ATXN3L: variants seen among roughly 807,000 people sequenced by gnomAD.
ATXN3L encodes ataxin-3-like protein.
For missense variants in ATXN3L, 283 were observed against 255.2 expected (o/e 1.11, Z -0.74); for synonymous variants, 98 against 96.1 (o/e 1.02, Z -0.12).
rs1037712907 is a variant in ATXN3L at position 13,319,225 on chromosome X, C to T, written c.710G>A (p.Arg237His). 1.3e-5 allele frequency: 16 copies of T among 1,211,023 alleles called. No individual in the cohort carries two copies. Among genetic ancestry groups the T allele is most frequent in the Non-Finnish European group, 1.6e-5 (14 of 895,088 alleles). Reference protein sequence around the residue: ...EDFQRALELSRQETNREDEHL... With the variant: ...EDFQRALELSHQETNREDEHL... ...TTCATCTTCTCTATTGGTTTCTTGG[C>T]GGCTTAGTTCAAGGGCCCTCTGAAA... Residue 237 changes from arginine (R) to histidine (H), a missense_variant, in exon 1 of 1, where the codon CGC (arginine) becomes CAC (histidine). Physicochemically the swap from Arg to His is conservative, Grantham distance 29 (BLOSUM62 0). Transcript: ENST00000380622.
chrX:13,319,661 T>A lies in ATXN3L; in HGVS notation c.274A>T (p.Ile92Phe), dbSNP rs774144793. 2.5e-6 allele frequency: 3 copies of A among 1,211,776 alleles called. No individual in the cohort carries two copies. The highest frequency in any genetic ancestry group is 3.4e-6 in the Non-Finnish European group (3 of 895,343). Residue 92 changes from isoleucine to phenylalanine, a missense_variant, in exon 1 of 1, where the codon ATC (isoleucine) becomes TTC (phenylalanine). Ile to Phe is a conservative substitution (Grantham distance 21). Transcript: ENST00000380622. ...NALKFWGLEI[I>F]HFNNPEYQKL... ...TGATATTCAGGATTATTGAAATGGA[T>A]GATCTCTAAACCCCAGAACTTCAAG...
In ATXN3L at chrX:13,319,603, GATCTTTCATTTATA is replaced by G. The variant is rs930035576; in HGVS notation, c.318_331del (p.Ile107PhefsTer4). ...GTGTTGTTTATAATTACATATAAAA[GATCTTTCATTTATA>G]GGATCAATGCCGAGCTTCTGATATT... On this transcript the variant is annotated frameshift_variant, in exon 1 of 1. Transcript: ENST00000380622. LOFTEE classifies it low-confidence loss of function (END_TRUNC). 1.7e-6 allele frequency: 2 copies of G among 1,208,972 alleles called. No homozygotes were observed. The highest frequency in any genetic ancestry group is 3.5e-5 in the African/African-American group (2 of 57,267).
chrX:13,318,969 C>G lies in ATXN3L; in HGVS notation c.966G>C (p.Glu322Asp). 5.8e-6 allele frequency: 7 copies of G among 1,211,393 alleles called. No individual in the cohort carries two copies. The highest frequency in any genetic ancestry group is 7.8e-6 in the Non-Finnish European group (7 of 895,026). ...ERPTTSSRAI[E>D]SDLSDDISEG... ...CACTGATGTCATCACTGAGATCACT[C>G]TCAATTGCTCTCGAACTTGTTGTTG... Residue 322 changes from glutamate to aspartate, a missense_variant, in exon 1 of 1, where the codon GAG (glutamate) becomes GAC (aspartate). By Grantham distance (45) the Glu-to-Asp change is conservative. Coordinates refer to ENST00000380622, the MANE Select transcript of ATXN3L (RefSeq NM_001135995.2).
rs754165902 is a variant in ATXN3L at position 13,319,386 on chromosome X, G to C, written c.549C>G (p.Val183=). 8.3e-7 allele frequency: 1 copy of C among 1,210,162 alleles called. No individual in the cohort carries two copies. The highest frequency in any genetic ancestry group is 1.1e-6 in the Non-Finnish European group (1 of 895,004). ...TAAGTTTTGGTGTATCCATCTCTTC[G>C]ACACTGATGATCTGCAGGAGTTGGT... ...EADQLLQIIS[V]EEMDTPKLNG... Residue 183 remains valine, a synonymous_variant, in exon 1 of 1, where the codon GTC becomes GTG. Coordinates refer to ENST00000380622, the MANE Select transcript of ATXN3L (RefSeq NM_001135995.2).
chrX:13,319,687 G>C lies in ATXN3L; in HGVS notation c.248C>G (p.Ala83Gly). 8.3e-7 allele frequency: 1 copy of C among 1,211,279 alleles called. No homozygotes were observed. Among genetic ancestry groups the C allele is most frequent in the Non-Finnish European group, 1.1e-6 (1 of 895,075 alleles). ...GATCTCTAAACCCCAGAACTTCAAG[G>C]CATTGCTTATTACCTGAATGGAGAA... ...GFFSIQVISN[A>G]LKFWGLEIIH... Residue 83 changes from alanine (A) to glycine (G), a missense_variant, in exon 1 of 1, where the codon GCC becomes GGC. By Grantham distance (60) the Ala-to-Gly change is moderately conservative. Transcript: ENST00000380622.
chrX:13,319,026 C>T lies in ATXN3L; in HGVS notation c.909G>A (p.Leu303=). The T allele has an allele frequency of 8.3e-7, 1 of 1,211,746 alleles. No homozygotes were observed. Among genetic ancestry groups the T allele is most frequent in the Non-Finnish European group, 1.1e-6 (1 of 895,457 alleles). The change falls in exon 1 of 1, where the codon CTG becomes CTA. Residue 303 remains leucine, a synonymous_variant. Transcript: ENST00000380622. ...EQKQQQQQSD[L]PGHSSYLHER... ...CGTGTAGGTATGAACTGTGGCCCGG[C>T]AGATCTGACTGTTGTTGCTGCTGCT...
Position 13,319,124 on chromosome X carries a change from A to G in ATXN3L, c.811T>C (p.Cys271Arg), listed in dbSNP as rs776445163. 1.8e-4 allele frequency: 220 copies of G among 1,209,918 alleles called. 2 individuals are homozygous for G. The South Asian group carries it at 3.6e-3, about 20-fold the overall frequency. Reference sequence around the variant, plus strand: ...GGCTGTTCTGAAGCAGGAGTTACACATGATGTCTTTGGAAGATCTTGCGAT... The same window carrying G: ...GGCTGTTCTGAAGCAGGAGTTACACGTGATGTCTTTGGAAGATCTTGCGAT... ...NTSQDLPKTS[C>R]VTPASEQPKK... The change falls in exon 1 of 1, where the codon TGT (cysteine) becomes CGT (arginine). Residue 271 changes from cysteine to arginine, a missense_variant. By Grantham distance (180) the Cys-to-Arg change is radical. Coordinates refer to ENST00000380622, the MANE Select transcript of ATXN3L (RefSeq NM_001135995.2).
chrX:13,319,344 T>C lies in ATXN3L; in HGVS notation c.591A>G (p.Val197=), dbSNP rs769649021. ...DTPKLNGKKL[V]KQKEHRVYKT... Reference sequence around the variant, plus strand: ...TATAGACTCTATGCTCTTTTTGTTTTACTAATTTTTTTCCATTAAGTTTTG... The same window carrying C: ...TATAGACTCTATGCTCTTTTTGTTTCACTAATTTTTTTCCATTAAGTTTTG... The change falls in exon 1 of 1, where the codon GTA becomes GTG. Residue 197 remains valine (V), a synonymous_variant. Transcript: ENST00000380622. The C allele has an allele frequency of 4.1e-6, 5 of 1,210,977 alleles. No homozygotes were observed. Among genetic ancestry groups the C allele is most frequent in the Admixed American group, 4.4e-5 (2 of 45,977 alleles).
rs996217924 is a variant in ATXN3L, at chrX:13,319,657, T to A, written c.278A>T (p.His93Leu). The change falls in exon 1 of 1, where the codon CAT (histidine) becomes CTT (leucine). Residue 93 changes from histidine (H) to leucine (L), a missense_variant. Transcript: ENST00000380622. The stretch of plus-strand genomic sequence containing the variant: ...CTTCTGATATTCAGGATTATTGAAA[T>A]GGATGATCTCTAAACCCCAGAACTT... The part of the protein sequence containing the change: ...ALKFWGLEII[H>L]FNNPEYQKLG... The A allele has an allele frequency of 8.3e-7, 1 of 1,210,118 alleles. No individual in the cohort carries two copies. The highest frequency in any genetic ancestry group is 1.7e-5 in the African/African-American group (1 of 57,299).
In ATXN3L at chrX:13,319,725, A is replaced by G; in HGVS notation, c.210T>C (p.Asp70=). 3 of 1,211,862 alleles carry G rather than the reference A, an allele frequency of 2.5e-6. No individual in the cohort carries two copies. Among genetic ancestry groups the G allele is most frequent in the Non-Finnish European group, 2.2e-6 (2 of 895,437 alleles). The change falls in exon 1 of 1, where the codon GAT becomes GAC. Residue 70 remains aspartate, a synonymous_variant. Transcript: ENST00000380622. ...AFLQQPSENM[D]DTGFFSIQVI... ...CCTGAATGGAGAAGAAACCGGTATC[A>G]TCCATGTTTTCTGAAGGCTGCTGTA...
At position 13,319,065 on chromosome X, in the gene ATXN3L, A is replaced by T; in HGVS notation, c.870T>A (p.His290Gln). ...GTTGCTGCTGCTTCTGTTCCTGCTG[A>T]TGCTTTTCAAAATAGTCTTCTTTTA... ...KKIKEDYFEK[H>Q]QQEQKQQQQQ... The change falls in exon 1 of 1, where the codon CAT (histidine) becomes CAA (glutamine). Residue 290 changes from histidine (H) to glutamine (Q), a missense_variant. His to Gln is a conservative substitution (Grantham distance 24, BLOSUM62 0). Transcript: ENST00000380622. 10 of 1,210,999 alleles carry T rather than the reference A, an allele frequency of 8.3e-6. No homozygotes were observed. Among genetic ancestry groups the T allele is most frequent in the Non-Finnish European group, 1.1e-5 (10 of 895,340 alleles).
rs369799117 is a variant in ATXN3L, at chrX:13,319,935, G to A, written c.-1C>T. The A allele has an allele frequency of 4.2e-6, 5 of 1,187,691 alleles. No individual in the cohort carries two copies. The African/African-American group carries it at 5.3e-5, about 12-fold the overall frequency. On this transcript the variant is annotated 5_prime_UTR_variant, in exon 1 of 1. Transcript: ENST00000380622. ...GTTTCTCATGAAAGATGAAATCCATGTTAATTGTATCCGTGAGTTTCTGTA... is the reference window on the plus strand; with the variant it reads ...GTTTCTCATGAAAGATGAAATCCATATTAATTGTATCCGTGAGTTTCTGTA...
Position 13,319,534 on chromosome X carries a change from T to A in ATXN3L, c.401A>T (p.Asn134Ile). The A allele has an allele frequency of 8.3e-7, 1 of 1,211,625 alleles. No individual in the cohort carries two copies. Among genetic ancestry groups the A allele is most frequent in the Non-Finnish European group, 1.1e-6 (1 of 895,441 alleles). Reference protein sequence around the residue: ...RKFGKHWFNLNSLLAGPELIS... With the variant: ...RKFGKHWFNLISLLAGPELIS... ...TAATTCTGGACCCGCCAAGAGAGAA[T>A]TCAAGTTAAACCAGTGTTTTCCAAA... Residue 134 changes from asparagine (N) to isoleucine (I), a missense_variant, in exon 1 of 1, where the codon AAT becomes ATT. Coordinates refer to ENST00000380622, the MANE Select transcript of ATXN3L (RefSeq NM_001135995.2).
chrX:13,319,517 G>A lies in ATXN3L; in HGVS notation c.418C>T (p.Pro140Ser), dbSNP rs1253857551. 8.3e-7 allele frequency: 1 copy of A among 1,209,506 alleles called. No homozygotes were observed. The highest frequency in any genetic ancestry group is 1.8e-5 in the African/African-American group (1 of 57,040). The stretch of plus-strand genomic sequence containing the variant: ...AGGCATGTATCTGATATTAATTCTG[G>A]ACCCGCCAAGAGAGAATTCAAGTTA... Reference protein sequence around the residue: ...WFNLNSLLAGPELISDTCLAN... With the variant: ...WFNLNSLLAGSELISDTCLAN... The change falls in exon 1 of 1, where the codon CCA becomes TCA. Residue 140 changes from proline to serine, a missense_variant. Coordinates refer to ENST00000380622, the MANE Select transcript of ATXN3L (RefSeq NM_001135995.2).
In ATXN3L at chrX:13,319,350, T is replaced by A. The variant is rs759596951; in HGVS notation, c.585A>T (p.Lys195Asn). 8.3e-6 allele frequency: 10 copies of A among 1,210,109 alleles called. No individual in the cohort carries two copies. The Admixed American group carries it at 2.2e-4, about 26-fold the overall frequency. The change falls in exon 1 of 1, where the codon AAA becomes AAT. Residue 195 changes from lysine (K) to asparagine (N), a missense_variant. Coordinates refer to ENST00000380622, the MANE Select transcript of ATXN3L (RefSeq NM_001135995.2). ...EMDTPKLNGK[K>N]LVKQKEHRVY... ...CTCTATGCTCTTTTTGTTTTACTAA[T>A]TTTTTTCCATTAAGTTTTGGTGTAT...
chrX:13,319,578 G>A lies in ATXN3L; in HGVS notation c.357C>T (p.His119=), dbSNP rs751011105. The change falls in exon 1 of 1, where the codon CAC becomes CAT. Residue 119 remains histidine (H), a synonymous_variant. Coordinates refer to ENST00000380622, the MANE Select transcript of ATXN3L (RefSeq NM_001135995.2). The part of the protein sequence containing the change: ...ERSFICNYKQ[H]WFTIRKFGKH... The stretch of plus-strand genomic sequence containing the variant: ...TTCCAAATTTTCTAATAGTAAACCA[G>A]TGTTGTTTATAATTACATATAAAAG... 5 of 1,209,320 alleles carry A rather than the reference G, an allele frequency of 4.1e-6. No individual in the cohort carries two copies. The highest frequency in any genetic ancestry group is 5.9e-5 in the East Asian group (2 of 33,868).
Position 13,318,896 on chromosome X carries a change from TTCTCA to T in ATXN3L, c.1034_1038del (p.Met345LysfsTer17), listed in dbSNP as rs756507822. On this transcript the variant is annotated frameshift_variant, in exon 1 of 1. Coordinates refer to ENST00000380622, the MANE Select transcript of ATXN3L (RefSeq NM_001135995.2). LOFTEE classifies it high-confidence loss of function. ...TTTTCCCCTTTGATTTTCAAATTCT[TTCTCA>T]TAATTTCTAAAATGGTGTCGACAGC... 8 of 1,190,871 alleles carry T rather than the reference TTCTCA, an allele frequency of 6.7e-6. No individual in the cohort carries two copies. In the African/African-American group the frequency reaches 1.4e-4, roughly 21 times the overall value.
In ATXN3L at chrX:13,319,589, A is replaced by G; in HGVS notation, c.346T>C (p.Tyr116His). The change falls in exon 1 of 1, where the codon TAT becomes CAT. Residue 116 changes from tyrosine to histidine, a missense_variant. By Grantham distance (83) the Tyr-to-His change is moderately conservative. Coordinates refer to ENST00000380622, the MANE Select transcript of ATXN3L (RefSeq NM_001135995.2). ...CTAATAGTAAACCAGTGTTGTTTAT[A>G]ATTACATATAAAAGATCTTTCATTT... The part of the protein sequence containing the change: ...PINERSFICN[Y>H]KQHWFTIRKF... 1.7e-6 allele frequency: 2 copies of G among 1,209,391 alleles called. No homozygotes were observed. The highest frequency in any genetic ancestry group is 5.9e-5 in the East Asian group (2 of 33,854).
Position 13,319,606 on chromosome X carries a change from C to T in ATXN3L, c.329G>A (p.Arg110Lys). ...QKLGIDPINERSFICNYKQHW... is the reference protein window; with the variant it reads ...QKLGIDPINEKSFICNYKQHW... ...TTGTTTATAATTACATATAAAAGATCTTTCATTTATAGGATCAATGCCGAG... is the reference window on the plus strand; with the variant it reads ...TTGTTTATAATTACATATAAAAGATTTTTCATTTATAGGATCAATGCCGAG... Residue 110 changes from arginine (R) to lysine (K), a missense_variant, in exon 1 of 1, where the codon AGA becomes AAA. Arg to Lys is a conservative substitution (Grantham distance 26). Coordinates refer to ENST00000380622, the MANE Select transcript of ATXN3L (RefSeq NM_001135995.2). The T allele has an allele frequency of 8.3e-7, 1 of 1,209,291 alleles. No homozygotes were observed. Among genetic ancestry groups the T allele is most frequent in the Non-Finnish European group, 1.1e-6 (1 of 893,471 alleles).
Sources: allele counts gnomAD v4.1 joint callset, GRCh38; gene constraint gnomAD v4.1.1; transcripts MANE v1.5; gene names NCBI Gene and HGNC (gene_info 2026-07-23, HGNC 2026-07-21).